TUBA4B: variants seen among roughly 807,000 people sequenced by gnomAD.
TUBA4B encodes tubulin-like protein alpha-4B.
A neutral mutation model predicts 18.4 loss-of-function variants in TUBA4B; 13 were observed. The observed-to-expected ratio is 0.71, with a 90% confidence interval of 0.46 to 1.12. The LOEUF (loss-of-function observed/expected upper bound fraction) is 1.12, where lower values mean the gene tolerates loss of function less well. TUBA4B is among the 50% of genes most tolerant of loss of function. The pLI is 0.00. For synonymous variants in TUBA4B, 101 were observed against 99.1 expected (o/e 1.02, Z -0.11); for missense variants, 244 against 250.0 (o/e 0.98, Z 0.16).
In TUBA4B at chr2:219,271,446, T is replaced by A; in HGVS notation, c.473T>A (p.Ile158Asn). ...IYDICHCNLDIERPTYTNLNR... is the reference protein window; with the variant it reads ...IYDICHCNLDNERPTYTNLNR... ...GACATCTGCCACTGCAACCTAGACA[T>A]CGAGCGCCCAACCTACACCAACCTC... Residue 158 changes from isoleucine (I) to asparagine (N), a missense_variant, in exon 4 of 4, where the codon ATC becomes AAC. Ile to Asn is a moderately radical substitution (Grantham distance 149, BLOSUM62 -3). Transcript: ENST00000490341. 3 of 1,614,050 alleles carry A rather than the reference T, an allele frequency of 1.9e-6. No homozygotes were observed. Among genetic ancestry groups the A allele is most frequent in the Non-Finnish European group, 2.5e-6 (3 of 1,179,964 alleles).
At chr2:219,253,881 C>T (rs1224658137) in intron 1 of TUBA4B, 1 of 1,442,478 alleles carries the variant, frequency 6.9e-7, no homozygotes, top group Non-Finnish European at 9.1e-7. Context: ...CGGTGCGTCT[C>T]ACGTTGAGTC....
At position 219,271,946 on chromosome 2, in the gene TUBA4B, G is replaced by C; in HGVS notation, c.*247G>C. On this transcript the variant is annotated 3_prime_UTR_variant, in exon 4 of 4. Transcript: ENST00000490341. ...TGAGCAACATGACAGCCATCACTAT[G>C]GCCTGGGCCCGCCTGGACCACAAGT... 6.6e-7 allele frequency: 1 copy of C among 1,506,966 alleles called. No individual in the cohort carries two copies. The highest frequency in any genetic ancestry group is 9.2e-7 in the Non-Finnish European group (1 of 1,082,830). The allele number at this position is 1,506,966 out of a possible 1,614,324, so 93.3% of individuals were successfully genotyped here.
At chr2:219,263,776 C>T (rs985418223) in intron 1 of TUBA4B, among the ~76,000 whole-genome samples, 2 of 152,206 alleles carry the variant, frequency 1.3e-5, no homozygotes, top group Non-Finnish European at 2.9e-5. Flanking sequence ...AGAGTTCTAA[C>T]CTTCAGTCTG....
At chr2:219,271,030 A>G in intron 3 of TUBA4B, 136 bp from the exon 4 acceptor site, 3 of 603,270 alleles carry the variant, frequency 5.0e-6, no homozygotes, top group Non-Finnish European at 8.8e-6. Flanking sequence ...CTCTATGAGG[A>G]TCTCTTTTGT....
chr2:219,270,381 T>C (rs767582909), intron 3 of TUBA4B, 46 bp downstream of exon 3: 1 of 703,806 alleles, frequency 1.4e-6, no homozygotes, highest in Non-Finnish European at 2.6e-6. Context: ...GAATCTGGAT[T>C]CCTGTTGTGA....
In TUBA4B at chr2:219,271,638, C is replaced by A; in HGVS notation, c.665C>A (p.Thr222Lys). 6.2e-7 allele frequency: 1 copy of A among 1,613,922 alleles called. No individual in the cohort carries two copies. The highest frequency in any genetic ancestry group is 2.2e-5 in the East Asian group (1 of 44,884). ...HQSSLQKRYT[T>K]SSCWWQRLPM... The stretch of plus-strand genomic sequence containing the variant: ...TCATCTCTGCAGAAAAGGTATACCA[C>A]GAGCAGCTGTTGGTGGCAGAGATTA... The change falls in exon 4 of 4, where the codon ACG (threonine) becomes AAG (lysine). Residue 222 changes from threonine to lysine, a missense_variant. Coordinates refer to ENST00000490341, the MANE Select transcript of TUBA4B (RefSeq NM_001355221.1).
At chr2:219,254,746 A>C (rs758394729) in intron 1 of TUBA4B, 1 of 152,272 alleles carries the variant, frequency 6.6e-6, no homozygotes, top group African/African-American at 2.4e-5. Context: ...CAAGTGACTT[A>C]ACCTCACTGA....
chr2:219,266,636 G>A (rs1327887021), intron 2 of TUBA4B, 70 bp downstream of exon 2: 6 of 697,650 alleles, frequency 8.6e-6, no homozygotes, highest in South Asian at 1.5e-5. Flanking sequence ...GATATCTGGC[G>A]TGAAGGTACC....
At chr2:219,265,455 G>A (rs535172386) in intron 1 of TUBA4B, among the ~76,000 whole-genome samples, 13 of 152,214 alleles carry the variant, frequency 8.5e-5, no homozygotes, top group Admixed American at 4.6e-4. Flanking sequence ...TGGCCAACAT[G>A]GTGAAACCGT....
At chr2:219,258,923 A>T (rs1951741340) in intron 1 of TUBA4B, among the ~76,000 whole-genome samples, 2 of 152,014 alleles carry the variant, frequency 1.3e-5, no homozygotes. Flanking sequence ...ACTGTAGCTA[A>T]GAGTTTATAA....
At chr2:219,258,598 G>A (rs1951739377) in intron 1 of TUBA4B, among the ~76,000 whole-genome samples, 1 of 151,858 alleles carries the variant, frequency 6.6e-6, no homozygotes, top group South Asian at 2.1e-4. Context: ...CCTGAGTGCT[G>A]GGATTACAGG....
At chr2:219,270,968 G>A (rs554160226) in intron 3 of TUBA4B, among the ~76,000 whole-genome samples, 198 bp from the exon 4 acceptor site, 74 of 152,252 alleles carry the variant, frequency 4.9e-4, no homozygotes, top group Admixed American at 1.0e-3. Context: ...AGGGCCTCAG[G>A]AGATTTCAGA....
intron 1 of TUBA4B, among the ~76,000 whole-genome samples, chr2:219,265,119 C>T (rs1359543782): frequency 1.3e-5 from 2 of 152,064 alleles, no homozygotes; most frequent in Non-Finnish European, 1.5e-5. Flanking sequence ...AGATAAAGAC[C>T]GAGGAGGGGC....
chr2:219,270,601 C>T (rs955995893), intron 3 of TUBA4B, among the ~76,000 whole-genome samples: 1 of 150,952 alleles, frequency 6.6e-6, no homozygotes, highest in Non-Finnish European at 1.5e-5. Context: ...GGCTGCCTGG[C>T]CAAGCTGTGG....
intron 2 of TUBA4B, among the ~76,000 whole-genome samples, chr2:219,269,365 C>T (rs1951811038): frequency 6.6e-6 from 1 of 152,188 alleles, no homozygotes; most frequent in Non-Finnish European, 1.5e-5. Context: ...TTGAGACAGG[C>T]ACTGAGCAAG....
At position 219,271,565 on chromosome 2, in the gene TUBA4B, C is replaced by G. The variant is rs1306005397; in HGVS notation, c.592C>G (p.Leu198Val). The change falls in exon 4 of 4, where the codon CTG becomes GTG. Residue 198 changes from leucine to valine, a missense_variant. Physicochemically the swap from Leu to Val is conservative, Grantham distance 32. Coordinates refer to ENST00000490341, the MANE Select transcript of TUBA4B (RefSeq NM_001355221.1). ...NVDLTEFQTN[L>V]VSYLTSTSPW... ...GGACCTGACAGAGTTCCAGACCAAC[C>G]TGGTGTCCTACCTCACATCCACTTC... is the stretch of plus-strand genomic sequence containing the variant. 1 of 1,614,232 alleles carries G rather than the reference C, an allele frequency of 6.2e-7. No homozygotes were observed. Among genetic ancestry groups the G allele is most frequent in the Non-Finnish European group, 8.5e-7 (1 of 1,180,038 alleles).
chr2:219,271,307 C>A lies in TUBA4B; in HGVS notation c.334C>A (p.Pro112Thr), dbSNP rs771343298. Reference protein sequence around the residue: ...KKSKLGFSIYPAPQVSTAMVQ... With the variant: ...KKSKLGFSIYTAPQVSTAMVQ... The stretch of plus-strand genomic sequence containing the variant: ...ATCCAAGCTGGGATTCTCCATCTAC[C>A]CAGCCCCCCAGGTGTCTACAGCCAT... The change falls in exon 4 of 4, where the codon CCA (proline) becomes ACA (threonine). Residue 112 changes from proline (P) to threonine (T), a missense_variant. By Grantham distance (38) the Pro-to-Thr change is conservative. Coordinates refer to ENST00000490341, the MANE Select transcript of TUBA4B (RefSeq NM_001355221.1). The A allele has an allele frequency of 1.9e-6, 3 of 1,587,928 alleles. No homozygotes were observed. Among genetic ancestry groups the A allele is most frequent in the African/African-American group, 1.3e-5 (1 of 74,460 alleles).
Position 219,253,492 on chromosome 2 carries a change from G to A in TUBA4B, c.12+73G>A, listed in dbSNP as rs1951683198. On this transcript the variant is annotated intron_variant, in intron 1 of 3. Transcript: ENST00000490341. ...GTGCTGAGGACCAGGGACTGGGGAT[G>A]TAAGAGGGCAGCCAAACCCGTCTTC... 7 of 1,247,936 alleles carry A rather than the reference G, an allele frequency of 5.6e-6. No homozygotes were observed. In the African/African-American group the frequency reaches 7.4e-5, roughly 13 times the overall value. The allele number at this position is 1,247,936 out of a possible 1,614,324, so 77.3% of individuals were successfully genotyped here.
intron 1 of TUBA4B, among the ~76,000 whole-genome samples, chr2:219,262,800 G>A (rs566547870): frequency 2.0e-5 from 3 of 152,242 alleles, no homozygotes; most frequent in African/African-American, 7.2e-5. Context: ...CAGAACTTTG[G>A]GAGGCCAAGG....
Sources: allele counts gnomAD v4.1 joint callset (sites outside exome capture counted in the v4.1 genomes callset), GRCh38; gene constraint gnomAD v4.1.1; transcripts MANE v1.5; gene names NCBI Gene and HGNC (gene_info 2026-07-23, HGNC 2026-07-21).